The following SLF2 variants were observed in gnomAD, a reference collection of about 807,000 sequenced individuals.
The protein encoded by SLF2 is SMC5-SMC6 complex localization factor protein 2.
In SLF2, 68 loss-of-function variants were observed where a neutral mutation model predicts 124.3. The observed-to-expected ratio is 0.55, with a 90% CI of 0.45 to 0.67. The LOEUF (loss-of-function observed/expected upper bound fraction) is 0.67. SLF2 is among the 30% of genes least tolerant of loss of function. The pLI is 0.00. For synonymous variants in SLF2, 480 were observed against 478.8 expected (o/e 1.00, Z -0.03); for missense variants, 1,246 against 1,373.7 (o/e 0.91, Z 1.47).
At chr10:100,932,390 C>G (rs978600913) in intron 9 of SLF2, among the ~76,000 whole-genome samples, 1 of 152,090 alleles carries the variant, frequency 6.6e-6, no homozygotes, top group African/African-American at 2.4e-5. Flanking sequence ...GTATTGGCCC[C>G]AGAAATCCTA....
intron 13 of SLF2, among the ~76,000 whole-genome samples, chr10:100,945,981 C>T (rs1276550240): frequency 6.6e-6 from 1 of 152,150 alleles, no homozygotes; most frequent in Non-Finnish European, 1.5e-5. Flanking sequence ...AACCTTGGAG[C>T]AGAGACCTAA....
At position 100,950,061 on chromosome 10, in the gene SLF2, T is replaced by G. The variant is rs754887373; in HGVS notation, c.3121-15T>G. 4 of 1,551,044 alleles carry G rather than the reference T, an allele frequency of 2.6e-6. No individual in the cohort carries two copies. The African/African-American group carries it at 4.1e-5, about 16-fold the overall frequency. ...TTATTTAGCTTTGTTCAATGTCTCC[T>G]CTTTCTTTTGATAGGTATCAGTCCT... On this transcript the variant is annotated splice_polypyrimidine_tract_variant and intron_variant, in intron 15 of 19. Coordinates refer to ENST00000238961, the MANE Select transcript of SLF2 (RefSeq NM_018121.4).
At chr10:100,941,098 C>T (rs1013521991) in intron 11 of SLF2, among the ~76,000 whole-genome samples, 2 of 151,926 alleles carry the variant, frequency 1.3e-5, no homozygotes, top group Non-Finnish European at 2.9e-5. Flanking sequence ...CCTTGGCCTC[C>T]CAAAGTGCTG....
At chr10:100,936,824 A>G (rs1849872192) in intron 9 of SLF2, among the ~76,000 whole-genome samples, 1 of 151,628 alleles carries the variant, frequency 6.6e-6, no homozygotes, top group African/African-American at 2.4e-5. Flanking sequence ...ATTTTTTGAT[A>G]GTTTCAAATG....
At chr10:100,917,628 G>A (rs1849442744) in intron 3 of SLF2, among the ~76,000 whole-genome samples, 1 of 152,156 alleles carries the variant, frequency 6.6e-6, no homozygotes. Context: ...TCATGCTGGA[G>A]TGCTATGGCG....
intron 15 of SLF2, among the ~76,000 whole-genome samples, chr10:100,948,248 CT>C (rs1850142509): frequency 6.6e-6 from 1 of 152,286 alleles, no homozygotes; most frequent in Admixed American, 6.5e-5. Context: ...TAAAATGAGT[CT>C]TTTTAGATCA....
Position 100,913,130 on chromosome 10 carries a change from C to T in SLF2, c.20C>T (p.Pro7Leu), listed in dbSNP as rs756912990. MTRRCM[P>L]ARPGFPSSPA... ...GCCGACATGACAAGGCGCTGCATGC[C>T]CGCTAGGCCAGGTTTCCCCTCATCC... Residue 7 changes from proline to leucine, a missense_variant, in exon 1 of 20, where the codon CCC (proline) becomes CTC (leucine). Physicochemically the swap from Pro to Leu is moderately conservative, Grantham distance 98. This residue lies in a region of SLF2 where 698 missense variants were observed against 708.9 expected (regional missense o/e 0.98). Transcript: ENST00000238961. 1 of 1,613,282 alleles carries T rather than the reference C, an allele frequency of 6.2e-7. No homozygotes were observed.
At chr10:100,949,851 C>T (rs1267352877) in intron 15 of SLF2, among the ~76,000 whole-genome samples, 1 of 152,162 alleles carries the variant, frequency 6.6e-6, no homozygotes, top group African/African-American at 2.4e-5. Flanking sequence ...CTCCCTTGGC[C>T]TCTGAAAGTG....
chr10:100,926,329 GTGTGA>G, intron 6 of SLF2: 2 of 1,417,196 alleles, frequency 1.4e-6, no homozygotes, highest in South Asian at 3.0e-5. Context: ...AAGAGGCCAG[GTGTGA>G]TGGCTCATGC....
chr10:100,950,189 T>C lies in SLF2; in HGVS notation c.3234T>C (p.His1078=), dbSNP rs754914389. 4.3e-6 allele frequency: 7 copies of C among 1,613,430 alleles called. No individual in the cohort carries two copies. The East Asian group carries it at 1.6e-4, about 36-fold the overall frequency. ...ATGGCATTATTGATGACAGTCTTCA[T>C]TTAGAACTTGAAAAGCAGGTATCCA... ...QPDGIIDDSL[H]LELEKQAYYL... is the part of the protein sequence containing the mutation. Residue 1078 remains histidine (H), a synonymous_variant, in exon 16 of 20, where the codon CAT becomes CAC. Transcript: ENST00000238961.
At chr10:100,927,271 C>T (rs1047211200) in intron 6 of SLF2, among the ~76,000 whole-genome samples, 6 of 151,922 alleles carry the variant, frequency 3.9e-5, no homozygotes, top group African/African-American at 1.4e-4. Flanking sequence ...TTCCTCCCAC[C>T]CTCAGCAACT....
chr10:100,914,004 G>T (rs1465563490), intron 1 of SLF2: 9 of 631,918 alleles, frequency 1.4e-5, no homozygotes, highest in Non-Finnish European at 1.8e-5. Flanking sequence ...AAGCCAGAAA[G>T]CTATGAAAAC....
chr10:100,935,979 C>T (rs939368937), intron 9 of SLF2, among the ~76,000 whole-genome samples: 5 of 150,780 alleles, frequency 3.3e-5, no homozygotes, highest in Non-Finnish European at 7.4e-5. Flanking sequence ...CCCCCTCAGC[C>T]CCCCAAGTAG....
intron 4 of SLF2, among the ~76,000 whole-genome samples, chr10:100,921,264 G>A (rs1849519613): frequency 6.6e-6 from 1 of 152,102 alleles, no homozygotes. Flanking sequence ...CTCCTAGGCT[G>A]GAGTGCAGTG....
At chr10:100,913,510 A>C in intron 1 of SLF2, 1 of 1,253,118 alleles carries the variant, frequency 8.0e-7, no homozygotes, top group Non-Finnish European at 1.0e-6. Context: ...AGGTAGAAAG[A>C]AAGTGATTTT....
Position 100,924,573 on chromosome 10 carries a change from C to T in SLF2, c.1572C>T (p.His524=). The change falls in exon 5 of 20, where the codon CAC becomes CAT. Residue 524 remains histidine (H), a synonymous_variant. Coordinates refer to ENST00000238961, the MANE Select transcript of SLF2 (RefSeq NM_018121.4). The part of the protein sequence containing the change: ...HSTESTKHKE[H]KAKTNKADSN... Reference sequence around the variant, plus strand: ...CAGAATCCACCAAACACAAGGAACACAAAGCAAAGACTAATAAGGCCGATT... The same window carrying T: ...CAGAATCCACCAAACACAAGGAACATAAAGCAAAGACTAATAAGGCCGATT... 2 of 1,613,962 alleles carry T rather than the reference C, an allele frequency of 1.2e-6. No individual in the cohort carries two copies. Among genetic ancestry groups the T allele is most frequent in the Non-Finnish European group, 1.7e-6 (2 of 1,180,008 alleles).
At chr10:100,960,330 G>T (rs963546776) in intron 19 of SLF2, among the ~76,000 whole-genome samples, 3 of 152,170 alleles carry the variant, frequency 2.0e-5, no homozygotes, top group African/African-American at 7.2e-5. Context: ...TATGTTAAGT[G>T]TTTTAAGAAA....
intron 13 of SLF2, among the ~76,000 whole-genome samples, chr10:100,946,415 C>T (rs1489358816): frequency 3.3e-5 from 5 of 151,284 alleles, no homozygotes; most frequent in Admixed American, 3.3e-4. Context: ...CAGCCTCTGC[C>T]TTCCGGATTC....
chr10:100,934,792 T>C (rs188608022), intron 9 of SLF2, among the ~76,000 whole-genome samples: 2 of 151,084 alleles, frequency 1.3e-5, no homozygotes, highest in Admixed American at 6.6e-5. Flanking sequence ...TTTTTTTTTT[T>C]TGTATTTTTA....
Sources: gnomAD v4.1 joint callset for allele counts (sites outside exome capture counted in the v4.1 genomes callset) on GRCh38, gnomAD v4.1.1 for gene constraint, gnomAD v4.1.1 regional missense constraint, MANE v1.5 for transcripts, NCBI Gene and HGNC (gene_info 2026-07-23, HGNC 2026-07-21) for gene names.